EYA2: variants seen among roughly 807,000 people sequenced by gnomAD.
EYA2 encodes the protein EYA transcriptional coactivator and phosphatase 2.
Under a neutral mutation model 69.2 loss-of-function variants are expected in EYA2, and 31 were observed. The observed-to-expected ratio is 0.45, with a 90% CI of 0.34 to 0.60. EYA2 has a LOEUF of 0.60. Ranked by LOEUF, EYA2 falls within the 20% of genes least tolerant of loss-of-function variation. EYA2 has a pLI of 0.02. For missense variants in EYA2, 622 were observed against 701.2 expected (o/e 0.89, Z 1.28); for synonymous variants, 257 against 279.4 (o/e 0.92, Z 0.80).
intron 12 of EYA2, among the ~76,000 whole-genome samples, chr20:47,175,798 T>C (rs1172551490): frequency 6.6e-6 from 1 of 152,166 alleles, no homozygotes; most frequent in African/African-American, 2.4e-5. Flanking sequence ...GTTTGTATTG[T>C]TACTGAGGGT....
At chr20:47,021,203 G>A (rs892931008) in intron 5 of EYA2, among the ~76,000 whole-genome samples, 3 of 152,130 alleles carry the variant, frequency 2.0e-5, no homozygotes, top group African/African-American at 7.2e-5. Context: ...TTCCAAGTTC[G>A]CTTCTATTTC....
In EYA2 at chr20:46,910,831, C is replaced by A. The variant is rs935901791; in HGVS notation, c.-11+15844C>A. 5.9e-5 allele frequency among the ~76,000 whole-genome samples: 9 copies of A among 152,206 alleles called. No individual in the cohort carries two copies. In the East Asian group the frequency reaches 1.7e-3, roughly 29 times the overall value. On this transcript the variant is annotated intron_variant, in intron 1 of 15. Coordinates refer to ENST00000327619, the MANE Select transcript of EYA2 (RefSeq NM_005244.5). Reference sequence around the variant, plus strand: ...GCCAACTTTGAAGATCTGGATCTTTCACACAAAAATGTAGATTGCTGGCTC... The same window carrying A: ...GCCAACTTTGAAGATCTGGATCTTTAACACAAAAATGTAGATTGCTGGCTC...
intron 9 of EYA2, among the ~76,000 whole-genome samples, chr20:47,111,392 G>C (rs1413579745): frequency 6.6e-6 from 1 of 152,214 alleles, no homozygotes; most frequent in African/African-American, 2.4e-5. Flanking sequence ...TGAGTTGGCA[G>C]AGAGGTTCTA....
intron 2 of EYA2, among the ~76,000 whole-genome samples, chr20:46,994,370 G>C (rs1318433466): frequency 1.3e-5 from 2 of 152,190 alleles, no homozygotes; most frequent in Non-Finnish European, 2.9e-5. Flanking sequence ...GGAAGGGGTG[G>C]TGGGGAGTTC....
intron 1 of EYA2, among the ~76,000 whole-genome samples, chr20:46,919,830 G>A (rs761888580): frequency 2.6e-5 from 4 of 152,144 alleles, no homozygotes; most frequent in South Asian, 4.1e-4. Context: ...AAGCTTAATC[G>A]TTTCTAGCTT....
At chr20:46,985,787 C>CA (rs1398267389) in intron 1 of EYA2, among the ~76,000 whole-genome samples, 3 of 152,100 alleles carry the variant, frequency 2.0e-5, no homozygotes, top group Middle Eastern at 3.2e-3. Flanking sequence ...CAAGAAAAGC[C>CA]AAAAATCTAG....
intron 5 of EYA2, among the ~76,000 whole-genome samples, chr20:47,025,242 G>A (rs958200546): frequency 1.3e-5 from 2 of 151,992 alleles, no homozygotes; most frequent in African/African-American, 4.8e-5. Context: ...CACTGCTTTG[G>A]TTAATGCTCT....
chr20:46,944,067 C>T (rs938347614), intron 1 of EYA2, among the ~76,000 whole-genome samples: 1 of 152,158 alleles, frequency 6.6e-6, no homozygotes, highest in Admixed American at 6.5e-5. Flanking sequence ...GAGCAACCTC[C>T]CAGCTTAAGT....
intron 11 of EYA2, 119 bp from the exon 12 acceptor site, chr20:47,172,588 C>T (rs925347071): frequency 2.1e-5 from 21 of 995,452 alleles, no homozygotes; most frequent in Admixed American, 7.6e-5. Flanking sequence ...CTGTGCATTT[C>T]GAGGGGCTCA....
chr20:47,166,393 TAAAAAAAAAAAAAAA>T (rs370944686), intron 10 of EYA2, among the ~76,000 whole-genome samples: 539 of 34,468 alleles, frequency 0.016, 6 homozygotes, highest in South Asian at 0.061. Context: ...CAAGACTGTC[TAAAAAAAAAAAAAAA>T]AAAAAAAAAA....
chr20:47,172,569 C>A, intron 11 of EYA2, 138 bp from the exon 12 acceptor site: 2 of 770,598 alleles, frequency 2.6e-6, no homozygotes, highest in Admixed American at 2.7e-5. Flanking sequence ...AATGCACACT[C>A]GCAGCACCCT....
chr20:46,955,436 A>G (rs1015128086), intron 1 of EYA2, among the ~76,000 whole-genome samples: 7 of 152,132 alleles, frequency 4.6e-5, no homozygotes, highest in African/African-American at 1.7e-4. Flanking sequence ...AAACCTCTAC[A>G]CACTTTGGGG....
intron 10 of EYA2, among the ~76,000 whole-genome samples, chr20:47,151,125 C>T (rs1333308792): frequency 6.6e-6 from 1 of 151,952 alleles, no homozygotes; most frequent in African/African-American, 2.4e-5. Context: ...AATCCCAGCA[C>T]TTTGGAAGGT....
At position 47,142,962 on chromosome 20, in the gene EYA2, A is replaced by G; in HGVS notation, c.889-97A>G. The G allele has an allele frequency of 5.3e-6, 6 of 1,125,372 alleles. 1 individual carries two copies. Among genetic ancestry groups the G allele is most frequent in the Non-Finnish European group, 7.7e-6 (6 of 783,624 alleles). 69.7% of individuals were successfully genotyped at this position (1,125,372 alleles called of 1,614,324 possible). Reference sequence around the variant, plus strand: ...GCGTGAGCCGAGCAGATGAGGAAAAACCAAAACTGCTTTTCGGCAGTGGAA... The same window carrying G: ...GCGTGAGCCGAGCAGATGAGGAAAAGCCAAAACTGCTTTTCGGCAGTGGAA... On this transcript the variant is annotated intron_variant, in intron 9 of 15. Transcript: ENST00000327619.
intron 10 of EYA2, among the ~76,000 whole-genome samples, chr20:47,167,928 G>C (rs756974575): frequency 6.6e-6 from 1 of 152,128 alleles, no homozygotes; most frequent in Non-Finnish European, 1.5e-5. Context: ...CTGGATCCAG[G>C]GGATCAGATC....
chr20:47,052,450 A>G (rs1024117206), intron 5 of EYA2, among the ~76,000 whole-genome samples: 14 of 152,164 alleles, frequency 9.2e-5, no homozygotes, highest in Non-Finnish European at 1.8e-4. Flanking sequence ...GAACCTTCAG[A>G]GTCTGTGAAC....
At chr20:46,986,627 A>G (rs933402922) in intron 1 of EYA2, among the ~76,000 whole-genome samples, 3 of 152,080 alleles carry the variant, frequency 2.0e-5, no homozygotes, top group Non-Finnish European at 2.9e-5. Flanking sequence ...TGGTACTAGC[A>G]TGGCATCAGT....
chr20:46,963,309 C>T (rs1000336499), intron 1 of EYA2, among the ~76,000 whole-genome samples: 15 of 152,334 alleles, frequency 9.8e-5, no homozygotes, highest in Admixed American at 8.5e-4. Flanking sequence ...CTGGGTCTGT[C>T]TCTGAACCCA....
chr20:46,925,699 C>T (rs1985383650), intron 1 of EYA2, among the ~76,000 whole-genome samples: 1 of 152,192 alleles, frequency 6.6e-6, no homozygotes, highest in African/African-American at 2.4e-5. Context: ...GAAACAGACA[C>T]TCTCATCTAT....
Sources: gnomAD v4.1 joint callset for allele counts (sites outside exome capture counted in the v4.1 genomes callset) on GRCh38, gnomAD v4.1.1 for gene constraint, MANE v1.5 for transcripts, NCBI Gene and HGNC (gene_info 2026-07-23, HGNC 2026-07-21) for gene names.